CHM: variants seen among roughly 807,000 people sequenced by gnomAD.
The protein encoded by CHM is CHM Rab escort protein, also known as rab proteins geranylgeranyltransferase component A 1.
Under a neutral mutation model 49.0 loss-of-function variants are expected in CHM, and 10 were observed. The observed-to-expected ratio is 0.20, with a 90% CI of 0.13 to 0.35. CHM has a LOEUF of 0.35. CHM is among the 10% of genes least tolerant of loss of function. The probability of loss-of-function intolerance (pLI) is 1.00; values close to 1 mark genes in which losing one functional copy is unlikely to be tolerated. For missense variants in CHM, 455 were observed against 478.4 expected (o/e 0.95, Z 0.46); for synonymous variants, 184 against 167.5 (o/e 1.10, Z -0.76).
intron 8 of CHM, among the ~76,000 whole-genome samples, chrX:85,937,710 A>G (rs1166709894): frequency 9.2e-6 from 1 of 108,420 alleles, no homozygotes; most frequent in African/African-American, 3.4e-5. Context: ...ATGGTGTGGT[A>G]GTGCACACCT....
chrX:85,907,989 G>T (rs1039892327), intron 9 of CHM, among the ~76,000 whole-genome samples: 30 of 111,457 alleles, frequency 2.7e-4, no homozygotes, highest in African/African-American at 9.4e-4. Context: ...GATGTAGTCT[G>T]TGGGATCACA....
chrX:85,881,529 T>A (rs1399170710), intron 12 of CHM, among the ~76,000 whole-genome samples: 1 of 111,938 alleles, frequency 8.9e-6, no homozygotes, highest in Non-Finnish European at 1.9e-5. Context: ...CTATGCAGAT[T>A]TCCTAAAGTC....
intron 12 of CHM, among the ~76,000 whole-genome samples, chrX:85,884,117 GA>G (rs888929649): frequency 6.3e-5 from 7 of 110,328 alleles, no homozygotes; most frequent in Non-Finnish European, 1.1e-4. Flanking sequence ...TGAACTCTGT[GA>G]AAAAAAATAT....
chrX:85,927,772 A>C (rs1265365401), intron 8 of CHM, among the ~76,000 whole-genome samples: 1 of 112,094 alleles, frequency 8.9e-6, no homozygotes, highest in East Asian at 2.8e-4. Flanking sequence ...ATTGCACTAC[A>C]GATAAACTAA....
intron 1 of CHM, among the ~76,000 whole-genome samples, chrX:86,035,702 C>A (rs1481399589): frequency 9.2e-6 from 1 of 108,876 alleles, no homozygotes; most frequent in Non-Finnish European, 1.9e-5. Context: ...TAGAATGATA[C>A]GATATTTAGG....
chrX:85,998,248 T>C (rs748358042), intron 2 of CHM, among the ~76,000 whole-genome samples: 13 of 111,673 alleles, frequency 1.2e-4, no homozygotes, highest in Non-Finnish European at 2.3e-4. Context: ...ACAGAGGTGA[T>C]GGTGAGATAC....
intron 2 of CHM, among the ~76,000 whole-genome samples, chrX:86,009,740 C>G (rs1932978387): frequency 9.0e-6 from 1 of 110,885 alleles, no homozygotes; most frequent in Non-Finnish European, 1.9e-5. Flanking sequence ...GTAGAAATAC[C>G]TAATGTAAAC....
chrX:85,934,359 G>T (rs1248999874), intron 8 of CHM, among the ~76,000 whole-genome samples: 2 of 98,750 alleles, frequency 2.0e-5, no homozygotes, highest in Non-Finnish European at 4.0e-5. Flanking sequence ...ATGTGCCATG[G>T]TGGTGTGCTG....
At chrX:85,966,850 A>G (rs931031137) in intron 4 of CHM, among the ~76,000 whole-genome samples, 13 of 112,051 alleles carry the variant, frequency 1.2e-4, no homozygotes, top group Non-Finnish European at 2.4e-4. Flanking sequence ...GTGGTTCTCT[A>G]TTACATTCTG....
chrX:85,931,915 G>A lies in CHM; in HGVS notation c.1167-20577C>T, dbSNP rs980247034. On this transcript the variant is annotated intron_variant, in intron 8 of 14. Coordinates refer to ENST00000357749, the MANE Select transcript of CHM (RefSeq NM_000390.4). ...AGGACCTCAAAGTACCTTGCACTAT[G>A]CTTTTGTGCTTTGCTGCTTTCAGTG... Among the ~76,000 whole-genome samples the A allele has an allele frequency of 2.7e-5, 3 of 112,337 alleles. No homozygotes were observed. The Admixed American group carries it at 2.8e-4, about 11-fold the overall frequency.
intron 12 of CHM, among the ~76,000 whole-genome samples, chrX:85,887,559 G>A (rs1031261056): frequency 1.8e-5 from 2 of 111,841 alleles, no homozygotes; most frequent in Admixed American, 9.5e-5. Flanking sequence ...ACCTGAAAAC[G>A]TGGAAGCGAC....
intron 2 of CHM, among the ~76,000 whole-genome samples, chrX:85,989,551 A>G (rs943144209): frequency 1.7e-4 from 19 of 112,270 alleles, no homozygotes; most frequent in African/African-American, 6.1e-4. Flanking sequence ...CTGTCAACAG[A>G]GTAAACACAC....
In CHM at chrX:86,008,433, C is replaced by A. The variant is rs757317299; in HGVS notation, c.116+19058G>T. Reference sequence around the variant, plus strand: ...AAAAAAAACTGCCATGACACATGTTCATGGCACCTATATTTTAAAAAGTGA... The same window carrying A: ...AAAAAAAACTGCCATGACACATGTTAATGGCACCTATATTTTAAAAAGTGA... On this transcript the variant is annotated intron_variant, in intron 2 of 14. Coordinates refer to ENST00000357749, the MANE Select transcript of CHM (RefSeq NM_000390.4). 5.4e-5 allele frequency among the ~76,000 whole-genome samples: 6 copies of A among 111,309 alleles called. No individual in the cohort carries two copies. In the East Asian group the frequency reaches 1.4e-3, roughly 26 times the overall value.
At chrX:85,898,939 G>A (rs1402909415) in intron 11 of CHM, among the ~76,000 whole-genome samples, 1 of 112,300 alleles carries the variant, frequency 8.9e-6, no homozygotes, top group Admixed American at 9.5e-5. Flanking sequence ...AAGTATTTAT[G>A]CTTACACATA....
chrX:85,990,556 T>C (rs73506461), intron 2 of CHM, among the ~76,000 whole-genome samples: 4,384 of 111,562 alleles, frequency 0.039, 226 homozygotes, highest in African/African-American at 0.14. Flanking sequence ...GAGTGCCACC[T>C]AAGGTTTTCC....
intron 1 of CHM, among the ~76,000 whole-genome samples, chrX:86,042,196 C>T (rs1934492391): frequency 1.8e-5 from 2 of 111,209 alleles, no homozygotes; most frequent in South Asian, 7.6e-4. Context: ...GGGACTGGAA[C>T]ATCCCAACAT....
intron 4 of CHM, among the ~76,000 whole-genome samples, chrX:85,975,973 T>TG (rs1931230669): frequency 8.9e-6 from 1 of 112,250 alleles, no homozygotes; most frequent in African/African-American, 3.2e-5. Flanking sequence ...TACTATATAG[T>TG]GATACTCTTA....
intron 4 of CHM, chrX:85,970,736 G>A (rs1930850056): frequency 1.4e-5 from 2 of 140,956 alleles, no homozygotes; most frequent in Non-Finnish European, 1.3e-5. Context: ...TAACTCGATT[G>A]TGTAATCACA....
chrX:85,998,839 C>T (rs1234148698), intron 2 of CHM, among the ~76,000 whole-genome samples: 2 of 111,118 alleles, frequency 1.8e-5, no homozygotes, highest in Non-Finnish European at 3.8e-5. Context: ...TGGGGACAAT[C>T]TATATTGATG....
Sources: allele counts gnomAD v4.1 joint callset (sites outside exome capture counted in the v4.1 genomes callset), GRCh38; gene constraint gnomAD v4.1.1; transcripts MANE v1.5; gene names NCBI Gene and HGNC (gene_info 2026-07-23, HGNC 2026-07-21).